Variants in MYO10 observed in about 807,000 individuals in gnomAD.
MYO10 encodes the protein myosin X, also known as unconventional myosin-X.
Under a neutral mutation model 257.3 loss-of-function variants are expected in MYO10, and 133 were observed. The ratio of observed to expected loss-of-function variants is 0.52; its 90% CI spans 0.45 to 0.60. The LOEUF is 0.60. Ranked by LOEUF, MYO10 falls within the 20% of genes least tolerant of loss-of-function variation. The pLI, the probability that MYO10 is intolerant of heterozygous loss-of-function variation, is 0.00. For missense variants in MYO10, 2,399 were observed against 2,635.7 expected (o/e 0.91, Z 1.97); for synonymous variants, 1,104 against 1,028.6 (o/e 1.07, Z -1.40).
At chr5:16,879,071 A>G (rs1471052101) in intron 1 of MYO10, among the ~76,000 whole-genome samples, 1 of 152,206 alleles carries the variant, frequency 6.6e-6, no homozygotes, top group Admixed American at 6.5e-5. Flanking sequence ...TATCTCATTA[A>G]ACTTTTTCTA....
chr5:16,670,847 A>G lies in MYO10; in HGVS notation c.5562T>C (p.Val1854=). 1.2e-6 allele frequency: 2 copies of G among 1,613,950 alleles called. No individual in the cohort carries two copies. The highest frequency in any genetic ancestry group is 1.7e-6 in the Non-Finnish European group (2 of 1,179,890). ...LHAAIPPLEE[V]YSLQRLKARI... is the part of the protein sequence containing the mutation. Reference sequence around the variant, plus strand: ...GGGCCTTGAGTCTCTGCAGGGAATAAACCTCTTCGAGAGGTGGGATGGCAG... The same window carrying G: ...GGGCCTTGAGTCTCTGCAGGGAATAGACCTCTTCGAGAGGTGGGATGGCAG... Residue 1854 remains valine (V), a synonymous_variant, in exon 39 of 41, where the codon GTT becomes GTC. Coordinates refer to ENST00000513610, the MANE Select transcript of MYO10 (RefSeq NM_012334.3).
At chr5:16,815,551 T>C (rs1742578075) in intron 3 of MYO10, 4 of 655,476 alleles carry the variant, frequency 6.1e-6, no homozygotes, top group Non-Finnish European at 1.1e-5. Flanking sequence ...ATGGCATTTA[T>C]TTTATAAACA....
chr5:16,670,494 GC>G, intron 39 of MYO10, 31 bp downstream of exon 39: 1 of 1,553,238 alleles, frequency 6.4e-7, no homozygotes. Context: ...CCAGCACCCA[GC>G]CCACCCCAAC....
chr5:16,715,731 A>G (rs1041758781), intron 19 of MYO10, among the ~76,000 whole-genome samples: 22 of 152,086 alleles, frequency 1.4e-4, no homozygotes, highest in African/African-American at 4.6e-4. Flanking sequence ...CATAAGAACC[A>G]TATCTCAAAA....
intron 2 of MYO10, among the ~76,000 whole-genome samples, chr5:16,866,513 T>C (rs1413954621): frequency 9.2e-5 from 14 of 152,014 alleles, no homozygotes; most frequent in Non-Finnish European, 2.1e-4. Context: ...AAACGGCAAT[T>C]TCATATGGTT....
chr5:16,818,309 ATC>A (rs1236377460), intron 2 of MYO10, 142 bp from the exon 3 acceptor site: 20 of 685,602 alleles, frequency 2.9e-5, no homozygotes, highest in Admixed American at 6.5e-5. Context: ...TATCGCAAAA[ATC>A]TCTTTCATTT....
intron 2 of MYO10, among the ~76,000 whole-genome samples, chr5:16,830,056 G>A (rs372761813): frequency 2.0e-5 from 3 of 152,012 alleles, no homozygotes; most frequent in South Asian, 2.1e-4. Context: ...CCTGGCCAAC[G>A]TGGTGAAACC....
At chr5:16,874,354 G>C (rs1040460863) in intron 2 of MYO10, among the ~76,000 whole-genome samples, 1 of 108,362 alleles carries the variant, frequency 9.2e-6, no homozygotes, top group Non-Finnish European at 1.9e-5. Flanking sequence ...CGGGGGGGGG[G>C]GGGGGTTTCT....
At chr5:16,866,230 G>C (rs1744244994) in intron 2 of MYO10, among the ~76,000 whole-genome samples, 1 of 152,146 alleles carries the variant, frequency 6.6e-6, no homozygotes, top group Non-Finnish European at 1.5e-5. Flanking sequence ...ACAGCTGTGA[G>C]CAAATGCACA....
chr5:16,738,120 G>A (rs1457318420), intron 19 of MYO10: 14 of 984,826 alleles, frequency 1.4e-5, no homozygotes, highest in Non-Finnish European at 1.7e-5. Flanking sequence ...GAAATACACA[G>A]GGGAGAGGTA....
intron 17 of MYO10, among the ~76,000 whole-genome samples, chr5:16,759,539 G>GCCC (rs1040733060): frequency 6.6e-6 from 1 of 152,170 alleles, no homozygotes; most frequent in Non-Finnish European, 1.5e-5. Flanking sequence ...CAAGTGAACA[G>GCCC]CCCCAGCTCC....
chr5:16,807,768 A>C (rs536592722), intron 3 of MYO10, among the ~76,000 whole-genome samples: 1 of 152,248 alleles, frequency 6.6e-6, no homozygotes, highest in South Asian at 2.1e-4. Flanking sequence ...AACTCAGGCC[A>C]ACTATTAATA....
intron 19 of MYO10, among the ~76,000 whole-genome samples, chr5:16,741,143 ACT>A (rs1302853024): frequency 6.6e-6 from 1 of 152,002 alleles, no homozygotes; most frequent in East Asian, 1.9e-4. Context: ...CATTTCAGTC[ACT>A]CTTTATTTTG....
chr5:16,815,251 G>A, intron 3 of MYO10: 1 of 510,868 alleles, frequency 2.0e-6, no homozygotes, highest in Non-Finnish European at 3.4e-6. Flanking sequence ...TGAAATGCCT[G>A]GGACACAAAG....
intron 1 of MYO10, among the ~76,000 whole-genome samples, chr5:16,879,134 GAATC>G (rs1468730025): frequency 6.6e-6 from 1 of 152,140 alleles, no homozygotes; most frequent in Non-Finnish European, 1.5e-5. Context: ...ACATCCTTAT[GAATC>G]AATGTATTCA....
intron 1 of MYO10, among the ~76,000 whole-genome samples, chr5:16,892,978 G>A (rs551846638): frequency 3.9e-5 from 6 of 151,964 alleles, no homozygotes; most frequent in South Asian, 4.2e-4. Flanking sequence ...GGCAGATCAC[G>A]AGGTCAGGAG....
At chr5:16,682,955 A>T (rs1380419981) in intron 30 of MYO10, among the ~76,000 whole-genome samples, 1 of 152,132 alleles carries the variant, frequency 6.6e-6, no homozygotes, top group South Asian at 2.1e-4. Flanking sequence ...GATGTGGAGA[A>T]GGTAAGGTAG....
chr5:16,787,608 TTAAAA>T (rs1380703250), intron 4 of MYO10, among the ~76,000 whole-genome samples: 2 of 35,092 alleles, frequency 5.7e-5, no homozygotes, highest in African/African-American at 1.6e-4. Context: ...TTGTTTTGCT[TTAAAA>T]AAAAAAAAAA....
rs968871923 is a variant in MYO10 at position 16,869,973 on chromosome 5, G to A, written c.120+7636C>T. Among the ~76,000 whole-genome samples the A allele has an allele frequency of 5.3e-5, 8 of 151,124 alleles. 1 individual carries two copies. Among genetic ancestry groups the A allele is most frequent in the Admixed American group, 2.0e-4 (3 of 15,206 alleles). ...GAAAAAAGAAAAGGAAAGGAAGCAG[G>A]CAGGTGTGCCCTTTAGTGATCTCAC... On this transcript the variant is annotated intron_variant, in intron 2 of 40. Transcript: ENST00000513610.
Sources: gnomAD v4.1 joint callset for allele counts (sites outside exome capture counted in the v4.1 genomes callset) on GRCh38, gnomAD v4.1.1 for gene constraint, MANE v1.5 for transcripts, NCBI Gene and HGNC (gene_info 2026-07-23, HGNC 2026-07-21) for gene names.